Variants in MTUS2 observed in about 807,000 individuals in gnomAD.
The protein encoded by MTUS2 is microtubule associated scaffold protein 2.
MTUS2 carries 40 observed loss-of-function variants against 114.1 expected under a neutral mutation model. The observed-to-expected ratio is 0.35, with a 90% CI of 0.27 to 0.46. The LOEUF (loss-of-function observed/expected upper bound fraction) is 0.46. Among genes scored for constraint, MTUS2 ranks in the 20% least tolerant of loss-of-function variants. The pLI, the probability that MTUS2 is intolerant of heterozygous loss-of-function variation, is 1.00. For missense variants in MTUS2, 1,679 were observed against 1,705.4 expected (o/e 0.98, Z 0.27); for synonymous variants, 688 against 672.0 (o/e 1.02, Z -0.37).
intron 7 of MTUS2, among the ~76,000 whole-genome samples, chr13:29,328,771 A>C (rs1425113203): frequency 3.9e-5 from 6 of 152,232 alleles, no homozygotes; most frequent in Non-Finnish European, 7.3e-5. Flanking sequence ...CACAAAAGAC[A>C]GCTTTGCAGG....
intron 9 of MTUS2, among the ~76,000 whole-genome samples, chr13:29,448,068 TGTTTAAGGTTCTCTCC>T (rs1878416687): frequency 6.6e-6 from 1 of 152,202 alleles, no homozygotes; most frequent in Non-Finnish European, 1.5e-5. Context: ...ATCAGGTAGA[TGTTTAAGGTTCTCTCC>T]CTAGCCAAGC....
In MTUS2 at chr13:29,101,812, A is replaced by G. The variant is rs563545406; in HGVS notation, c.2644+842A>G. On this transcript the variant is annotated intron_variant, in intron 5 of 15. Transcript: ENST00000612955. ...GAATCAAGCTGGAATAATTCGAAAGAGAGAGAGAGAGATCGATTGATTTGT... is the reference window on the plus strand; with the variant it reads ...GAATCAAGCTGGAATAATTCGAAAGGGAGAGAGAGAGATCGATTGATTTGT... 2.3e-3 allele frequency among the ~76,000 whole-genome samples: 350 copies of G among 152,178 alleles called. 2 individuals are homozygous for G. Among genetic ancestry groups the G allele is most frequent in the Non-Finnish European group, 4.1e-3 (280 of 67,958 alleles).
At chr13:28,843,591 T>C (rs1307239148) in intron 2 of MTUS2, among the ~76,000 whole-genome samples, 1 of 152,226 alleles carries the variant, frequency 6.6e-6, no homozygotes, top group African/African-American at 2.4e-5. Flanking sequence ...GTGGATTCAG[T>C]AAATGTCACA....
At chr13:29,414,969 T>G (rs1314236107) in intron 8 of MTUS2, among the ~76,000 whole-genome samples, 1 of 151,468 alleles carries the variant, frequency 6.6e-6, no homozygotes. Flanking sequence ...GTGTCCGATA[T>G]GTTTCGGTTT....
intron 8 of MTUS2, among the ~76,000 whole-genome samples, chr13:29,393,640 G>A (rs531573045): frequency 6.6e-6 from 1 of 152,338 alleles, no homozygotes; most frequent in South Asian, 2.1e-4. Context: ...CTGAATATCT[G>A]AGACAAGTCT....
chr13:29,181,013 T>A (rs1162675541), intron 5 of MTUS2, among the ~76,000 whole-genome samples: 5 of 152,232 alleles, frequency 3.3e-5, no homozygotes, highest in Admixed American at 3.3e-4. Context: ...TTGAACTCTT[T>A]CTATAGCATA....
At chr13:29,307,936 C>A (rs191550175) in intron 6 of MTUS2, among the ~76,000 whole-genome samples, 1 of 152,250 alleles carries the variant, frequency 6.6e-6, no homozygotes, top group African/African-American at 2.4e-5. Context: ...TAGGGAGCCC[C>A]ACCTTGTCAT....
chr13:29,266,836 T>C (rs898186624), intron 5 of MTUS2, among the ~76,000 whole-genome samples: 4 of 152,134 alleles, frequency 2.6e-5, no homozygotes, highest in Non-Finnish European at 5.9e-5. Context: ...AGCACAGCCT[T>C]GTATGAAGTA....
At chr13:29,418,233 C>T (rs1875820951) in intron 8 of MTUS2, among the ~76,000 whole-genome samples, 1 of 152,188 alleles carries the variant, frequency 6.6e-6, no homozygotes, top group Middle Eastern at 3.4e-3. Context: ...AATAGGTCCC[C>T]TAGAGGCTGG....
chr13:29,045,632 A>C (rs1887579594), intron 4 of MTUS2, among the ~76,000 whole-genome samples: 2 of 152,208 alleles, frequency 1.3e-5, no homozygotes, highest in Admixed American at 1.3e-4. Context: ...AATGCTACAT[A>C]ACCATGGTGG....
At chr13:28,876,270 T>C (rs957492053) in intron 2 of MTUS2, among the ~76,000 whole-genome samples, 1 of 152,178 alleles carries the variant, frequency 6.6e-6, no homozygotes. Flanking sequence ...AGATTAGAGA[T>C]TCTGAAGCAA....
intron 11 of MTUS2, chr13:29,490,164 G>A (rs997972995): frequency 6.6e-6 from 1 of 152,170 alleles, no homozygotes; most frequent in Non-Finnish European, 1.5e-5. Context: ...CAGGCAGACC[G>A]GAAAGGCCAT....
chr13:29,339,148 A>G (rs1404947218), intron 7 of MTUS2, among the ~76,000 whole-genome samples: 2 of 152,040 alleles, frequency 1.3e-5, no homozygotes, highest in Admixed American at 6.5e-5. Flanking sequence ...GGAAGGCCCA[A>G]TACAGACATT....
intron 2 of MTUS2, among the ~76,000 whole-genome samples, chr13:28,841,047 T>A (rs760978598): frequency 6.6e-6 from 1 of 152,260 alleles, no homozygotes; most frequent in Non-Finnish European, 1.5e-5. Context: ...CTGTGTGATG[T>A]CCTTGTTCTC....
chr13:28,988,650 A>G (rs1486713768), intron 2 of MTUS2, among the ~76,000 whole-genome samples: 1 of 152,212 alleles, frequency 6.6e-6, no homozygotes, highest in Non-Finnish European at 1.5e-5. Context: ...CTGAGTATAG[A>G]CAGTTATTTC....
At chr13:29,170,337 A>T (rs908597547) in intron 5 of MTUS2, among the ~76,000 whole-genome samples, 2 of 152,238 alleles carry the variant, frequency 1.3e-5, no homozygotes, top group African/African-American at 2.4e-5. Context: ...CTTTACCCTC[A>T]TGAGAACTAG....
chr13:29,308,412 G>A (rs1483079726), intron 6 of MTUS2, among the ~76,000 whole-genome samples: 1 of 152,136 alleles, frequency 6.6e-6, no homozygotes. Flanking sequence ...ACTCAAGATG[G>A]ATTAAAGACT....
At chr13:29,160,893 T>C (rs1893069201) in intron 5 of MTUS2, among the ~76,000 whole-genome samples, 1 of 152,194 alleles carries the variant, frequency 6.6e-6, no homozygotes, top group South Asian at 2.1e-4. Context: ...TCTTCATTGA[T>C]TGAGTGCAAA....
At chr13:29,382,130 G>A (rs550906395) in intron 8 of MTUS2, among the ~76,000 whole-genome samples, 48 of 152,262 alleles carry the variant, frequency 3.2e-4, no homozygotes, top group Middle Eastern at 3.4e-3. Context: ...CAGTCCAAGA[G>A]GTCAGGAAAC....
Sources: allele counts gnomAD v4.1 joint callset (sites outside exome capture counted in the v4.1 genomes callset), GRCh38; gene constraint gnomAD v4.1.1; transcripts MANE v1.5; gene names NCBI Gene and HGNC (gene_info 2026-07-23, HGNC 2026-07-21).